The following ZNF793 variants were observed in gnomAD, a reference collection of about 807,000 sequenced individuals.
ZNF793 encodes the protein zinc finger protein 793.
ZNF793 carries 5 observed loss-of-function variants against 12.4 expected under a neutral mutation model. The observed-to-expected ratio is 0.40, with a 90% CI of 0.21 to 0.84. The LOEUF (loss-of-function observed/expected upper bound fraction) is 0.84, where lower values mean the gene tolerates loss of function less well. Among genes scored for constraint, ZNF793 ranks in the 40% least tolerant of loss-of-function variants. The pLI, the probability that ZNF793 is intolerant of heterozygous loss-of-function variation, is 0.35. For synonymous variants in ZNF793, 162 were observed against 172.4 expected (o/e 0.94, Z 0.47); for missense variants, 456 against 495.0 (o/e 0.92, Z 0.75).
rs368745575 is a variant in ZNF793, at chr19:37,540,548, G to A, written c.*2669G>A. On this transcript the variant is annotated 3_prime_UTR_variant, in exon 8 of 8. Transcript: ENST00000627814. ...GTAATAGATGGGAACCACTTAAAGC[G>A]GTTTTTCTTAAAAAAAATTTTTTTT... The A allele has an allele frequency of 3.7e-4, 56 of 151,188 alleles. 1 individual carries two copies. The East Asian group carries it at 0.01, about 27-fold the overall frequency. The allele number at this position is 151,188 out of a possible 1,614,324, so 9.4% of individuals were successfully genotyped here. A position where few individuals can be genotyped will look rare whatever the true frequency, so the allele number is the denominator to read the frequency against.
intron 2 of ZNF793, among the ~76,000 whole-genome samples, chr19:37,509,179 A>G (rs1282232012): frequency 6.6e-6 from 1 of 152,216 alleles, no homozygotes; most frequent in African/African-American, 2.4e-5. Flanking sequence ...TAGTGTAACT[A>G]TCACTTGAAT....
At position 37,536,958 on chromosome 19, in the gene ZNF793, C is replaced by T. The variant is rs776799325; in HGVS notation, c.300C>T (p.Gly100=). 2.1e-5 allele frequency: 34 copies of T among 1,613,528 alleles called. No individual in the cohort carries two copies. Among genetic ancestry groups the T allele is most frequent in the Middle Eastern group, 1.6e-4 (1 of 6,084 alleles). The change falls in exon 8 of 8, where the codon GGC becomes GGT. Residue 100 remains glycine, a synonymous_variant. Coordinates refer to ENST00000627814, the MANE Select transcript of ZNF793 (RefSeq NM_001013659.3). ...GGCAAGACATGCTTTTGAGGCCAGGCGCAGCCATAAGCAAGAAAACATTGC... is the reference window on the plus strand; with the variant it reads ...GGCAAGACATGCTTTTGAGGCCAGGTGCAGCCATAAGCAAGAAAACATTGC... ...KRRQDMLLRP[G]AAISKKTLPK...
At chr19:37,514,339 A>T (rs911840737) in intron 2 of ZNF793, among the ~76,000 whole-genome samples, 5 of 152,182 alleles carry the variant, frequency 3.3e-5, no homozygotes, top group Non-Finnish European at 5.9e-5. Context: ...CAAGTAACAC[A>T]CTATTCTTTA....
At position 37,537,244 on chromosome 19, in the gene ZNF793, G is replaced by C. The variant is rs762599418; in HGVS notation, c.586G>C (p.Ala196Pro). ...CCGGGGTTGCAGTCACTGTGAGAAA[G>C]CTTTCACCCAGAACCCGGCACTTAT... Reference protein sequence around the residue: ...KPRGCSHCEKAFTQNPALMYK... With the variant: ...KPRGCSHCEKPFTQNPALMYK... Residue 196 changes from alanine (A) to proline (P), a missense_variant, in exon 8 of 8, where the codon GCT becomes CCT. Physicochemically the swap from Ala to Pro is conservative, Grantham distance 27. Coordinates refer to ENST00000627814, the MANE Select transcript of ZNF793 (RefSeq NM_001013659.3). The C allele has an allele frequency of 4.3e-6, 7 of 1,613,808 alleles. No homozygotes were observed. The Admixed American group carries it at 1.2e-4, about 27-fold the overall frequency.
chr19:37,520,850 G>T (rs73632242), intron 3 of ZNF793, among the ~76,000 whole-genome samples: 6,200 of 152,210 alleles, frequency 0.041, 364 homozygotes, highest in African/African-American at 0.12. Flanking sequence ...CAGAATGGTG[G>T]TGGTGGCAGA....
Position 37,541,767 on chromosome 19 carries a change from A to G in ZNF793, c.*3888A>G, listed in dbSNP as rs2042553594. ...AATCTTTTGGGTGACAAAAGATGCCATCAGCAAACTCAAGAGATAATAGAT... is the reference window on the plus strand; with the variant it reads ...AATCTTTTGGGTGACAAAAGATGCCGTCAGCAAACTCAAGAGATAATAGAT... On this transcript the variant is annotated 3_prime_UTR_variant, in exon 8 of 8. Transcript: ENST00000627814. The G allele has an allele frequency of 1.3e-5, 2 of 152,242 alleles. No individual in the cohort carries two copies. The highest frequency in any genetic ancestry group is 2.1e-4 in the South Asian group (1 of 4,832). The allele number at this position is 152,242 out of a possible 1,614,324, so 9.4% of individuals were successfully genotyped here.
chr19:37,512,495 C>T (rs1279704526), intron 2 of ZNF793, among the ~76,000 whole-genome samples: 1 of 152,036 alleles, frequency 6.6e-6, no homozygotes, highest in Admixed American at 6.6e-5. Flanking sequence ...AGCCTGGCGA[C>T]AGAGCAAGAC....
At chr19:37,514,027 T>C (rs1217302358) in intron 2 of ZNF793, among the ~76,000 whole-genome samples, 1 of 152,080 alleles carries the variant, frequency 6.6e-6, no homozygotes, top group Non-Finnish European at 1.5e-5. Flanking sequence ...GTCAATAATA[T>C]AGATAAACCA....
chr19:37,532,546 G>A, intron 6 of ZNF793, 64 bp downstream of exon 6: 1 of 1,496,678 alleles, frequency 6.7e-7, no homozygotes, highest in East Asian at 2.4e-5. Context: ...TTTCTCAGTT[G>A]CTAAAAGCAA....
rs1164716077 is a variant in ZNF793 at position 37,539,989 on chromosome 19, AAAG to A, written c.*2113_*2115del. 1.3e-5 allele frequency: 2 copies of A among 152,192 alleles called. No individual in the cohort carries two copies. The highest frequency in any genetic ancestry group is 4.8e-5 in the African/African-American group (2 of 41,448). 9.4% of individuals were successfully genotyped at this position (152,192 alleles called of 1,614,324 possible). A position where few individuals can be genotyped will look rare whatever the true frequency, so the allele number is the denominator to read the frequency against. ...CAAAATCAAATACAGATAGTTGAAA[AAAG>A]AAAACTTCTGCTGGGTGCGGTGGCT... On this transcript the variant is annotated 3_prime_UTR_variant, in exon 8 of 8. Transcript: ENST00000627814.
intron 7 of ZNF793, chr19:37,534,693 T>C (rs2042490503): frequency 6.6e-6 from 1 of 152,366 alleles, no homozygotes; most frequent in Non-Finnish European, 1.5e-5. Flanking sequence ...TTTTTTTTTT[T>C]CTTTTTGAGA....
At chr19:37,516,262 G>A (rs746982226) in intron 2 of ZNF793, among the ~76,000 whole-genome samples, 1 of 152,124 alleles carries the variant, frequency 6.6e-6, no homozygotes, top group Non-Finnish European at 1.5e-5. Flanking sequence ...AGCCTCCCAA[G>A]TAGCTGGGAT....
rs780096538 is a variant in ZNF793, at chr19:37,537,008, A to G, written c.350A>G (p.Asn117Ser). Residue 117 changes from asparagine (N) to serine (S), a missense_variant, in exon 8 of 8, where the codon AAT becomes AGT. By Grantham distance (46) the Asn-to-Ser change is conservative (BLOSUM62 1). Transcript: ENST00000627814. ...CCCAAGGAGAAAAGCTGTGAATATA[A>G]TAAGTTTGGGAAAATATCACTTCTG... ...TLPKEKSCEY[N>S]KFGKISLLST... 2.9e-5 allele frequency: 47 copies of G among 1,613,868 alleles called. No homozygotes were observed. Among genetic ancestry groups the G allele is most frequent in the Non-Finnish European group, 3.6e-5 (43 of 1,179,872 alleles).
intron 2 of ZNF793, among the ~76,000 whole-genome samples, chr19:37,509,144 T>A (rs2042273749): frequency 6.6e-6 from 1 of 152,240 alleles, no homozygotes; most frequent in Non-Finnish European, 1.5e-5. Flanking sequence ...ATGGGTATAT[T>A]TCACAGTGGG....
intron 5 of ZNF793, among the ~76,000 whole-genome samples, chr19:37,525,868 G>A (rs1294842383): frequency 6.6e-6 from 1 of 152,184 alleles, no homozygotes; most frequent in Non-Finnish European, 1.5e-5. Flanking sequence ...CTTCTTATAT[G>A]TGTGTTCTAG....
intron 6 of ZNF793, 38 bp from the exon 7 acceptor site, chr19:37,533,270 A>T (rs754904372): frequency 6.3e-7 from 1 of 1,591,152 alleles, no homozygotes; most frequent in South Asian, 1.1e-5. Flanking sequence ...AAGACCAAGG[A>T]GCTCAGCCCA....
chr19:37,516,959 T>C (rs1165313610), intron 2 of ZNF793, among the ~76,000 whole-genome samples: 1 of 152,172 alleles, frequency 6.6e-6, no homozygotes, highest in Non-Finnish European at 1.5e-5. Flanking sequence ...GATTGACTCT[T>C]TACTAAGAAA....
At chr19:37,519,179 T>C (rs2042356661) in intron 2 of ZNF793, among the ~76,000 whole-genome samples, 2 of 152,106 alleles carry the variant, frequency 1.3e-5, no homozygotes, top group Admixed American at 6.5e-5. Context: ...GGCAGGAGAA[T>C]GGCGTGAACC....
At chr19:37,523,819 T>C (rs1269215631) in intron 5 of ZNF793, among the ~76,000 whole-genome samples, 1 of 152,166 alleles carries the variant, frequency 6.6e-6, no homozygotes, top group Non-Finnish European at 1.5e-5. Flanking sequence ...TATCCTTGGA[T>C]GGTGCAGTAC....
Sources: gnomAD v4.1 joint callset for allele counts (sites outside exome capture counted in the v4.1 genomes callset) on GRCh38, gnomAD v4.1.1 for gene constraint, MANE v1.5 for transcripts, NCBI Gene and HGNC (gene_info 2026-07-23, HGNC 2026-07-21) for gene names.